Variants in SLIT2 observed in about 807,000 individuals in gnomAD.
The protein encoded by SLIT2 is slit guidance ligand 2.
In SLIT2, 41 loss-of-function variants were observed where a neutral mutation model predicts 185.7. That is an observed-to-expected ratio of 0.22 (90% CI 0.17 to 0.29). The LOEUF is 0.29. SLIT2 is among the 10% of genes least tolerant of loss of function. SLIT2 has a pLI of 1.00. For missense variants in SLIT2, 1,571 were observed against 1,909.0 expected, an observed-to-expected ratio of 0.82 and a Z score of 3.30; for synonymous variants, 693 against 680.2, an observed-to-expected ratio of 1.02 and a Z score of -0.29.
At chr4:20,549,418 AAGAAACTTTCAAAATTG>A (rs1285061158) in intron 24 of SLIT2, among the ~76,000 whole-genome samples, 6 of 152,166 alleles carry the variant, frequency 3.9e-5, no homozygotes, top group African/African-American at 1.4e-4. Flanking sequence ...TTAACTTTGA[AAGAAACTTTCAAAATTG>A]AGAAACTTTC....
At chr4:20,567,411 A>G (rs369701845) in intron 27 of SLIT2, 25 bp downstream of exon 27, 1 of 1,612,986 alleles carries the variant, frequency 6.2e-7, no homozygotes. Context: ...TTTAAGAGTC[A>G]CAGTTTGAGA....
At chr4:20,458,052 A>C (rs1255689435) in intron 4 of SLIT2, among the ~76,000 whole-genome samples, 1 of 151,074 alleles carries the variant, frequency 6.6e-6, no homozygotes, top group African/African-American at 2.4e-5. Flanking sequence ...TCTATTCAAA[A>C]TTACCTGTTC....
intron 28 of SLIT2, 39 bp from the exon 29 acceptor site, chr4:20,568,826 C>T: frequency 1.3e-6 from 2 of 1,591,722 alleles, no homozygotes; most frequent in Non-Finnish European, 1.7e-6. Flanking sequence ...TAAAATGCAA[C>T]AAAAAGATGT....
intron 4 of SLIT2, among the ~76,000 whole-genome samples, chr4:20,364,595 G>A (rs1277817271): frequency 6.6e-6 from 1 of 151,778 alleles, no homozygotes; most frequent in East Asian, 1.9e-4. Flanking sequence ...TTTTTTTCAT[G>A]TAAGTCATTT....
chr4:20,302,113 T>A (rs1049148324), intron 4 of SLIT2, among the ~76,000 whole-genome samples: 1 of 152,226 alleles, frequency 6.6e-6, no homozygotes, highest in African/African-American at 2.4e-5. Context: ...ATTTTTTTGC[T>A]TTTCATCATT....
intron 4 of SLIT2, among the ~76,000 whole-genome samples, chr4:20,275,782 A>G (rs923993240): frequency 1.3e-5 from 2 of 152,160 alleles, no homozygotes; most frequent in African/African-American, 4.8e-5. Flanking sequence ...AAAATAAATT[A>G]CAGATAGAAA....
At position 20,253,763 on chromosome 4, in the gene SLIT2, A is replaced by C; in HGVS notation, c.-53A>C. 6.3e-7 allele frequency: 1 copy of C among 1,583,638 alleles called. No individual in the cohort carries two copies. Among genetic ancestry groups the C allele is most frequent in the Non-Finnish European group, 8.5e-7 (1 of 1,171,276 alleles). ...AGACACTGCGCGGTTCCCTCGGAGC[A>C]GCAAGCTAAAGAAAGCCCCCAGTGC... On this transcript the variant is annotated 5_prime_UTR_variant, in exon 1 of 37. Transcript: ENST00000504154.
intron 9 of SLIT2, among the ~76,000 whole-genome samples, chr4:20,504,133 TTA>T (rs1474136243): frequency 6.6e-6 from 1 of 152,168 alleles, no homozygotes; most frequent in African/African-American, 2.4e-5. Flanking sequence ...TACTTTACAA[TTA>T]TATGTAATAG....
At chr4:20,348,053 G>T (rs1481625146) in intron 4 of SLIT2, among the ~76,000 whole-genome samples, 1 of 151,994 alleles carries the variant, frequency 6.6e-6, no homozygotes, top group African/African-American at 2.4e-5. Context: ...TTTTAAAAAG[G>T]GTGTGTACCA....
At chr4:20,598,124 A>G in intron 32 of SLIT2, 141 bp from the exon 33 acceptor site, 1 of 681,862 alleles carries the variant, frequency 1.5e-6, no homozygotes, top group Non-Finnish European at 2.3e-6. Context: ...TTCAAGGAAT[A>G]ATTTCAGCAT....
At chr4:20,278,829 C>T (rs1056848179) in intron 4 of SLIT2, among the ~76,000 whole-genome samples, 1 of 62,584 alleles carries the variant, frequency 1.6e-5, no homozygotes, top group South Asian at 5.6e-4. Context: ...GGGGGGAGGG[C>T]GTGTGGAGGG....
At chr4:20,301,256 CTATT>C (rs1717011592) in intron 4 of SLIT2, among the ~76,000 whole-genome samples, 1 of 152,036 alleles carries the variant, frequency 6.6e-6, no homozygotes, top group African/African-American at 2.4e-5. Flanking sequence ...AAAATGCTGG[CTATT>C]TGGGATACAT....
intron 4 of SLIT2, among the ~76,000 whole-genome samples, chr4:20,417,991 C>T (rs1727837168): frequency 1.3e-5 from 2 of 152,116 alleles, no homozygotes; most frequent in Admixed American, 1.3e-4. Context: ...CAGCACTTTC[C>T]ACTGTATGAA....
intron 26 of SLIT2, chr4:20,554,478 G>T: frequency 6.5e-6 from 2 of 308,254 alleles, no homozygotes; most frequent in Non-Finnish European, 1.3e-5. Flanking sequence ...ATGTATTTGT[G>T]AATCTAAATA....
intron 9 of SLIT2, among the ~76,000 whole-genome samples, chr4:20,500,766 C>T (rs530790088): frequency 5.3e-5 from 8 of 152,072 alleles, no homozygotes; most frequent in Non-Finnish European, 1.2e-4. Context: ...AAAGTGAAAA[C>T]CTGGTTTGAG....
intron 4 of SLIT2, among the ~76,000 whole-genome samples, chr4:20,453,604 A>G (rs1224510637): frequency 6.6e-6 from 1 of 152,174 alleles, no homozygotes; most frequent in Non-Finnish European, 1.5e-5. Flanking sequence ...GAGAAGTTTA[A>G]AAGAGAAAGA....
intron 4 of SLIT2, among the ~76,000 whole-genome samples, chr4:20,366,047 G>T (rs1430929618): frequency 6.6e-6 from 1 of 152,104 alleles, no homozygotes; most frequent in Non-Finnish European, 1.5e-5. Flanking sequence ...TAACATGGAA[G>T]TCCAGGGAAT....
At chr4:20,516,363 A>G (rs1484918345) in intron 11 of SLIT2, among the ~76,000 whole-genome samples, 4 of 152,072 alleles carry the variant, frequency 2.6e-5, no homozygotes, top group Non-Finnish European at 5.9e-5. Flanking sequence ...ACGTATGTAT[A>G]TACTATCTAT....
rs867848326 is a variant in SLIT2, at chr4:20,365,364, T to C, written c.395+96483T>C. Among the ~76,000 whole-genome samples, 8 of 152,278 alleles carry C rather than the reference T, an allele frequency of 5.3e-5. No individual in the cohort carries two copies. The Middle Eastern group carries it at 0.014, about 259-fold the overall frequency. ...TGCTGTTAAGGACCCAAGATCTTTC[T>C]GCCTCTCAGCCGTATCATCTTTACT... is the stretch of plus-strand genomic sequence containing the variant. On this transcript the variant is annotated intron_variant, in intron 4 of 36. Transcript: ENST00000504154.
Sources: allele counts gnomAD v4.1 joint callset (sites outside exome capture counted in the v4.1 genomes callset), GRCh38; gene constraint gnomAD v4.1.1; transcripts MANE v1.5; gene names NCBI Gene and HGNC (gene_info 2026-07-23, HGNC 2026-07-21).